Variants in LOXL3 observed in about 807,000 individuals in gnomAD.
LOXL3 encodes lysyl oxidase homolog 3.
A neutral mutation model predicts 91.8 loss-of-function variants in LOXL3; 60 were observed. The observed-to-expected ratio is 0.65, with a 90% CI of 0.53 to 0.81. The LOEUF is 0.81. Among genes scored for constraint, LOXL3 ranks in the 30% least tolerant of loss-of-function variants. The pLI is 0.00. For synonymous variants in LOXL3, 355 were observed against 387.6 expected (o/e 0.92, Z 0.99); for missense variants, 874 against 1,000.4 (o/e 0.87, Z 1.70).
intron 4 of LOXL3, among the ~76,000 whole-genome samples, chr2:74,537,849 ACT>A (rs1351949414): frequency 6.6e-6 from 1 of 151,968 alleles, no homozygotes; most frequent in African/African-American, 2.4e-5. Flanking sequence ...AGTGAAGTAC[ACT>A]CTGCCCGCAG....
At position 74,536,056 on chromosome 2, in the gene LOXL3, A is replaced by G; in HGVS notation, c.1188T>C (p.Cys396=). The G allele has an allele frequency of 6.2e-7, 1 of 1,611,026 alleles. No individual in the cohort carries two copies. The highest frequency in any genetic ancestry group is 1.3e-5 in the African/African-American group (1 of 74,970). Reference sequence around the variant, plus strand: ...GGACCCCGGCATCCTGGCTATGTGAACAATCCTCAGCTGTGATGTTCTTGT... The same window carrying G: ...GGACCCCGGCATCCTGGCTATGTGAGCAATCCTCAGCTGTGATGTTCTTGT... The part of the protein sequence containing the change: ...CPHKNITAED[C]SHSQDAGVRC... Residue 396 remains cysteine, a synonymous_variant, in exon 7 of 14, where the codon TGT becomes TGC. Transcript: ENST00000264094. This position sits in a 1 kb window ranked among gnomAD's most constrained non-coding sequence, Gnocchi z 4.5.
chr2:74,549,520 G>A lies in LOXL3; in HGVS notation c.541C>T (p.Pro181Ser). Residue 181 changes from proline (P) to serine (S), a missense_variant, in exon 4 of 14, where the codon CCC becomes TCC. Coordinates refer to ENST00000264094, the MANE Select transcript of LOXL3 (RefSeq NM_032603.5). This position sits in a 1 kb window ranked among gnomAD's most constrained non-coding sequence, Gnocchi z 5.3. ...ACCAGCCCCTCCGTCACGGGCAGGG[G>A]TCGTCTGCCCCACCCAACGGCGGGT... ...IRPAVGWGRR[P>S]LPVTEGLVEV... The A allele has an allele frequency of 6.2e-7, 1 of 1,613,572 alleles. No homozygotes were observed. Among genetic ancestry groups the A allele is most frequent in the Non-Finnish European group, 8.5e-7 (1 of 1,179,746 alleles).
chr2:74,546,003 C>G (rs1011071432), intron 4 of LOXL3, among the ~76,000 whole-genome samples: 1 of 152,186 alleles, frequency 6.6e-6, no homozygotes, highest in East Asian at 1.9e-4. Context: ...ACAAAACATG[C>G]TCCATTCACT....
rs750613515 is a variant in LOXL3 at position 74,533,867 on chromosome 2, C to T, written c.2188+15G>A. ...CATCCCCTAATCTTCCTGGGTTGCT[C>T]TTCCCATCAAATACCAATGTGGCAG... On this transcript the variant is annotated intron_variant, in intron 13 of 13. Coordinates refer to ENST00000264094, the MANE Select transcript of LOXL3 (RefSeq NM_032603.5). 2.6e-5 allele frequency: 41 copies of T among 1,600,866 alleles called. No homozygotes were observed. The highest frequency in any genetic ancestry group is 3.2e-5 in the Non-Finnish European group (37 of 1,168,646).
chr2:74,533,932 C>T lies in LOXL3; in HGVS notation c.2138G>A (p.Cys713Tyr). The change falls in exon 13 of 14, where the codon TGT (cysteine) becomes TAT (tyrosine). Residue 713 changes from cysteine to tyrosine, a missense_variant. By Grantham distance (194) the Cys-to-Tyr change is radical. Transcript: ENST00000264094. Reference protein sequence around the residue: ...ESDFTNNAMKCNCKYDGHRIW... With the variant: ...ESDFTNNAMKYNCKYDGHRIW... Reference sequence around the variant, plus strand: ...TCTATGTCCATCATATTTGCAGTTACATTTCATTGCATTGTTGGTAAAGTC... The same window carrying T: ...TCTATGTCCATCATATTTGCAGTTATATTTCATTGCATTGTTGGTAAAGTC... 1 of 1,614,218 alleles carries T rather than the reference C, an allele frequency of 6.2e-7. No individual in the cohort carries two copies. The highest frequency in any genetic ancestry group is 8.5e-7 in the Non-Finnish European group (1 of 1,180,032).
chr2:74,540,254 G>A (rs1382925637), intron 4 of LOXL3, among the ~76,000 whole-genome samples: 1 of 152,214 alleles, frequency 6.6e-6, no homozygotes, highest in Non-Finnish European at 1.5e-5. Context: ...AGCACCCTCA[G>A]AAATTAGCTA....
rs1677193862 is a variant in LOXL3, at chr2:74,553,906, G to C, written c.-43C>G. On this transcript the variant is annotated 5_prime_UTR_variant, in exon 1 of 14. Transcript: ENST00000264094. ...CCGAGCAGGACCCTAAGGGCTGGGA[G>C]AAGAGTGCTGGTCCTGGAGATCAGT... 3 of 150,210 alleles carry C rather than the reference G, an allele frequency of 2.0e-5. No individual in the cohort carries two copies. The South Asian group carries it at 6.3e-4, about 32-fold the overall frequency. The allele number at this position is 150,210 out of a possible 1,614,324, so 9.3% of individuals were successfully genotyped here. A position where few individuals can be genotyped will look rare whatever the true frequency, so the allele number is the denominator to read the frequency against.
intron 4 of LOXL3, among the ~76,000 whole-genome samples, chr2:74,545,631 C>T (rs1353703035): frequency 6.6e-6 from 1 of 152,164 alleles, no homozygotes; most frequent in Non-Finnish European, 1.5e-5. Context: ...TAGGTCTGGG[C>T]AGCACTGACT....
chr2:74,552,524 G>A lies in LOXL3; in HGVS notation c.111C>T (p.Ala37=), dbSNP rs773925764. 5.0e-6 allele frequency: 8 copies of A among 1,613,200 alleles called. No individual in the cohort carries two copies. Among genetic ancestry groups the A allele is most frequent in the Admixed American group, 1.7e-5 (1 of 59,988 alleles). Residue 37 remains alanine (A), a synonymous_variant, in exon 2 of 14, where the codon GCC becomes GCT. Coordinates refer to ENST00000264094, the MANE Select transcript of LOXL3 (RefSeq NM_032603.5). ...PSPSTGPEKK[A]GSQGLRFRLA... Reference sequence around the variant, plus strand: ...GCCGGAACCGAAGCCCCTGGCTCCCGGCCTTCTTCTCAGGGCCCGTGGAAG... The same window carrying A: ...GCCGGAACCGAAGCCCCTGGCTCCCAGCCTTCTTCTCAGGGCCCGTGGAAG...
At chr2:74,533,815 G>GA in intron 13 of LOXL3, 67 bp downstream of exon 13, 2 of 1,481,978 alleles carry the variant, frequency 1.3e-6, no homozygotes, top group Non-Finnish European at 1.9e-6. Flanking sequence ...ACAAGCTATG[G>GA]AAAAGAGAAT....
chr2:74,550,335 C>T lies in LOXL3; in HGVS notation c.327G>A (p.Leu109=), dbSNP rs1226786604. ...KYGPGTGRIW[L]DNLSCSGTEQ... is the part of the protein sequence containing the mutation. ...CGGTCCCACTGCAGCTCAAGTTGTC[C>T]AGCCAGATGCGGCCTGTGGAAGGGG... is the stretch of plus-strand genomic sequence containing the variant. Residue 109 remains leucine (L), a synonymous_variant, in exon 3 of 14, where the codon CTG becomes CTA. Transcript: ENST00000264094. 1.2e-6 allele frequency: 2 copies of T among 1,613,388 alleles called. No individual in the cohort carries two copies. The highest frequency in any genetic ancestry group is 1.3e-5 in the African/African-American group (1 of 74,906).
intron 4 of LOXL3, among the ~76,000 whole-genome samples, chr2:74,543,297 A>G (rs1676421394): frequency 6.6e-6 from 1 of 152,048 alleles, no homozygotes; most frequent in African/African-American, 2.4e-5. Context: ...CTCACTTCAT[A>G]TAGGGCCCTC....
At position 74,536,366 on chromosome 2, in the gene LOXL3, C is replaced by T; in HGVS notation, c.1018G>A (p.Ala340Thr). The T allele has an allele frequency of 6.2e-7, 1 of 1,614,176 alleles. No individual in the cohort carries two copies. The highest frequency in any genetic ancestry group is 1.1e-5 in the South Asian group (1 of 91,088). Residue 340 changes from alanine to threonine, a missense_variant, in exon 6 of 14, where the codon GCA becomes ACA. By Grantham distance (58) the Ala-to-Thr change is moderately conservative. Transcript: ENST00000264094. The surrounding 1 kb of genome is among the most constrained non-coding windows in gnomAD (Gnocchi z 4.5). ...TVCDRKWDLH[A>T]ASVVCRELGF... ...AGCTCCCGACACACCACGCTGGCTG[C>T]ATGCAGGTCCCACTTGCGGTCACAG... is the stretch of plus-strand genomic sequence containing the variant.
chr2:74,534,420 C>G lies in LOXL3; in HGVS notation c.1835G>C (p.Ser612Thr). 1 of 1,614,214 alleles carries G rather than the reference C, an allele frequency of 6.2e-7. No individual in the cohort carries two copies. The highest frequency in any genetic ancestry group is 1.3e-5 in the African/African-American group (1 of 75,050). ...ATCATAGTGAGTGAAGATGTCCATG[C>G]TGTGGTAATGCCTGTGGGGAGAAGG... The part of the protein sequence containing the change: ...VWHECHGHYH[S>T]MDIFTHYDIL... The change falls in exon 11 of 14, where the codon AGC becomes ACC. Residue 612 changes from serine to threonine, a missense_variant. Ser to Thr is a moderately conservative substitution (Grantham distance 58). Coordinates refer to ENST00000264094, the MANE Select transcript of LOXL3 (RefSeq NM_032603.5).
chr2:74,539,783 T>A (rs1479936039), intron 4 of LOXL3: 1 of 152,686 alleles, frequency 6.5e-6, no homozygotes, highest in African/African-American at 2.4e-5. Flanking sequence ...CCGGGGCTCT[T>A]GCCCCATACC....
chr2:74,540,707 C>T (rs189506830), intron 4 of LOXL3, among the ~76,000 whole-genome samples: 3 of 144,592 alleles, frequency 2.1e-5, no homozygotes, highest in Middle Eastern at 3.5e-3. Context: ...ACTCTGTCAC[C>T]CAGGCTGCAG....
At chr2:74,555,551 G>A, upstream of LOXL3, 1 of 1,612,852 alleles carries the variant, frequency 6.2e-7, no homozygotes, top group African/African-American at 1.4e-5. The surrounding 1 kb of genome is among the most constrained non-coding windows in gnomAD (Gnocchi z 6.1). Context: ...GAAATTACGG[G>A]TTTCTCGATG....
chr2:74,549,754 T>C lies in LOXL3; in HGVS notation c.478-171A>G, dbSNP rs1676876550. Reference sequence around the variant, plus strand: ...GCCGCAGTCCGCGGTGTGGACTCTCTTGCAGCCAGCAGCGCGTGGGATGTG... The same window carrying C: ...GCCGCAGTCCGCGGTGTGGACTCTCCTGCAGCCAGCAGCGCGTGGGATGTG... On this transcript the variant is annotated intron_variant, in intron 3 of 13. Coordinates refer to ENST00000264094, the MANE Select transcript of LOXL3 (RefSeq NM_032603.5). The surrounding 1 kb of genome is among the most constrained non-coding windows in gnomAD (Gnocchi z 5.3). 7.0e-7 allele frequency: 1 copy of C among 1,434,990 alleles called. No individual in the cohort carries two copies. Among genetic ancestry groups the C allele is most frequent in the Non-Finnish European group, 9.1e-7 (1 of 1,094,856 alleles). The allele number at this position is 1,434,990 out of a possible 1,614,324, so 88.9% of individuals were successfully genotyped here. A position where few individuals can be genotyped will look rare whatever the true frequency, so the allele number is the denominator to read the frequency against.
At chr2:74,554,932 A>T (rs904919353), upstream of LOXL3, 3 of 1,522,668 alleles carry the variant, frequency 2.0e-6, no homozygotes, top group Non-Finnish European at 2.7e-6. The surrounding 1 kb of genome is among the most constrained non-coding windows in gnomAD (Gnocchi z 4.9). Flanking sequence ...AGAGCCTGTG[A>T]CTTTCCCGTG....
Sources: gnomAD v4.1 joint callset for allele counts (sites outside exome capture counted in the v4.1 genomes callset) on GRCh38, gnomAD v4.1.1 for gene constraint, Gnocchi (gnomAD v3.1) non-coding constraint, MANE v1.5 for transcripts, NCBI Gene and HGNC (gene_info 2026-07-23, HGNC 2026-07-21) for gene names.